Variants in PRKAR1B observed in about 807,000 individuals in gnomAD.
The protein encoded by PRKAR1B is cAMP-dependent protein kinase type I-beta regulatory subunit.
Under a neutral mutation model 46.5 loss-of-function variants are expected in PRKAR1B, and 22 were observed. That is an observed-to-expected ratio of 0.47 (90% CI 0.34 to 0.68). The LOEUF (loss-of-function observed/expected upper bound fraction) is 0.68. Among genes scored for constraint, PRKAR1B ranks in the 30% least tolerant of loss-of-function variants. The pLI is 0.01. For missense variants in PRKAR1B, 445 were observed against 535.6 expected, an observed-to-expected ratio of 0.83 and a Z score of 1.67; for synonymous variants, 259 against 217.7, an observed-to-expected ratio of 1.19 and a Z score of -1.67.
At chr7:612,763 C>T (rs989458984) in intron 4 of PRKAR1B, among the ~76,000 whole-genome samples, 1 of 152,112 alleles carries the variant, frequency 6.6e-6, no homozygotes, top group African/African-American at 2.4e-5. Flanking sequence ...GAAGAAACAA[C>T]GGGATGACTA....
intron 4 of PRKAR1B, among the ~76,000 whole-genome samples, chr7:623,996 C>T (rs1783247949): frequency 6.6e-6 from 1 of 152,208 alleles, no homozygotes; most frequent in South Asian, 2.1e-4. Context: ...CTAGTCCATG[C>T]CACTGGCCAT....
At chr7:675,095 A>C (rs770916997) in intron 4 of PRKAR1B, among the ~76,000 whole-genome samples, 2 of 152,236 alleles carry the variant, frequency 1.3e-5, no homozygotes, top group Non-Finnish European at 2.9e-5. Context: ...CCACAGCATC[A>C]CTACTCACGG....
intron 4 of PRKAR1B, among the ~76,000 whole-genome samples, chr7:660,806 T>A (rs1785493383): frequency 1.2e-5 from 1 of 84,066 alleles, no homozygotes; most frequent in African/African-American, 5.2e-5. Flanking sequence ...TGCAAATACC[T>A]ACTCTCCCCC....
intron 9 of PRKAR1B, among the ~76,000 whole-genome samples, chr7:557,803 G>A (rs946336177): frequency 1.2e-4 from 19 of 152,180 alleles, no homozygotes; most frequent in African/African-American, 4.6e-4. Flanking sequence ...AGGATTGAGA[G>A]TCTGGGTTTT....
intron 4 of PRKAR1B, among the ~76,000 whole-genome samples, chr7:609,086 G>T (rs977674876): frequency 2.7e-5 from 4 of 150,850 alleles, no homozygotes; most frequent in Admixed American, 2.0e-4. Context: ...GGAGAGCTGG[G>T]GGCCCTCCAC....
chr7:623,409 C>T lies in PRKAR1B; in HGVS notation c.441-15957G>A, dbSNP rs537065546. ...GAACCTTCTTCTAGGCCCATCTGTACTTCCTTGTAAAATAATCCTGCCAAA... is the reference window on the plus strand; with the variant it reads ...GAACCTTCTTCTAGGCCCATCTGTATTTCCTTGTAAAATAATCCTGCCAAA... On this transcript the variant is annotated intron_variant, in intron 4 of 10. Transcript: ENST00000537384. 3.3e-3 allele frequency among the ~76,000 whole-genome samples: 502 copies of T among 152,330 alleles called. 5 individuals carry two copies. Among genetic ancestry groups the T allele is most frequent in the Non-Finnish European group, 5.0e-3 (340 of 68,024 alleles).
intron 6 of PRKAR1B, among the ~76,000 whole-genome samples, chr7:596,933 T>A (rs146081170): frequency 0.012 from 1,886 of 152,382 alleles, 21 homozygotes; most frequent in South Asian, 0.039. Context: ...GCCCTATGGC[T>A]GGGCGCTGCG....
intron 1 of PRKAR1B, among the ~76,000 whole-genome samples, chr7:715,249 C>T (rs970492977): frequency 2.0e-5 from 3 of 152,094 alleles, no homozygotes; most frequent in East Asian, 3.9e-4. Flanking sequence ...TTTTGTTAGT[C>T]GCCACTGAGG....
At chr7:646,505 T>C (rs1408098053) in intron 4 of PRKAR1B, among the ~76,000 whole-genome samples, 1 of 152,268 alleles carries the variant, frequency 6.6e-6, no homozygotes, top group Non-Finnish European at 1.5e-5. Flanking sequence ...TGGTTCCTCC[T>C]TCTTCTTGGC....
At chr7:661,547 C>T (rs1785566696) in intron 4 of PRKAR1B, among the ~76,000 whole-genome samples, 1 of 55,670 alleles carries the variant, frequency 1.8e-5, no homozygotes, top group Non-Finnish European at 3.6e-5. Context: ...CAAATACCTA[C>T]TCTCCCCCCC....
intron 10 of PRKAR1B, 48 bp downstream of exon 10, chr7:551,341 A>G (rs367821559): frequency 2.7e-5 from 41 of 1,531,948 alleles, no homozygotes; most frequent in Non-Finnish European, 3.5e-6. Context: ...GAGACCCCAA[A>G]TGAGATGGCC....
At chr7:583,791 T>G (rs919370580) in intron 8 of PRKAR1B, among the ~76,000 whole-genome samples, 27 of 122,424 alleles carry the variant, frequency 2.2e-4, no homozygotes, top group Admixed American at 4.6e-4. Flanking sequence ...TACACCCATG[T>G]GCACTCACAT....
chr7:603,604 ACC>A, intron 6 of PRKAR1B, among the ~76,000 whole-genome samples: 1 of 125,050 alleles, frequency 8.0e-6, no homozygotes, highest in African/African-American at 3.6e-5. Context: ...TGACTCCAGG[ACC>A]CAGAGTGGAG....
intron 9 of PRKAR1B, among the ~76,000 whole-genome samples, chr7:568,952 G>A (rs758790707): frequency 2.0e-5 from 3 of 151,720 alleles, no homozygotes; most frequent in Admixed American, 6.6e-5. Context: ...GGGGTGGTTC[G>A]GTCTCTGGGA....
intron 1 of PRKAR1B, among the ~76,000 whole-genome samples, chr7:724,784 G>A (rs1781190669): frequency 6.6e-6 from 1 of 152,236 alleles, no homozygotes; most frequent in Non-Finnish European, 1.5e-5. Context: ...TAAGATCTGG[G>A]AGAGCAGGGA....
intron 3 of PRKAR1B, 143 bp from the exon 4 acceptor site, chr7:677,463 C>T (rs930706834): frequency 2.8e-6 from 2 of 718,022 alleles, no homozygotes; most frequent in Admixed American, 2.2e-5. Flanking sequence ...GTGTATTTCA[C>T]CACTGTTTTT....
At chr7:700,151 A>C (rs1022499926) in intron 2 of PRKAR1B, among the ~76,000 whole-genome samples, 12 of 152,204 alleles carry the variant, frequency 7.9e-5, no homozygotes, top group African/African-American at 2.9e-4. Flanking sequence ...TCGTATGCAC[A>C]GAACACAGAG....
chr7:723,799 T>G (rs1489662540), intron 1 of PRKAR1B, among the ~76,000 whole-genome samples: 2 of 152,144 alleles, frequency 1.3e-5, no homozygotes, highest in Non-Finnish European at 2.9e-5. Flanking sequence ...CCTGCTCCCC[T>G]GTGACCAGGG....
At chr7:550,950 C>G (rs1343147536) in intron 10 of PRKAR1B, among the ~76,000 whole-genome samples, 2 of 149,840 alleles carry the variant, frequency 1.3e-5, no homozygotes, top group African/African-American at 4.9e-5. Context: ...AGGACCCAGA[C>G]CCCCAGCTGC....
Sources: allele counts gnomAD v4.1 joint callset (sites outside exome capture counted in the v4.1 genomes callset), GRCh38; gene constraint gnomAD v4.1.1; transcripts MANE v1.5; gene names NCBI Gene and HGNC (gene_info 2026-07-23, HGNC 2026-07-21).